CCR5AS: variants seen among roughly 807,000 people sequenced by gnomAD.
CCR5AS encodes the protein CCR5 antisense RNA.
intron 3 of CCR5AS, among the ~76,000 whole-genome samples, chr3:46,370,071 CTG>C: frequency 6.6e-6 from 1 of 152,252 alleles, no homozygotes; most frequent in Non-Finnish European, 1.5e-5. Flanking sequence ...CTTGATATGA[CTG>C]TATATAGTAT....
At chr3:46,375,409 A>T (rs1288436759) in intron 2 of CCR5AS, 2 of 167,050 alleles carry the variant, frequency 1.2e-5, no homozygotes, top group Admixed American at 1.3e-4. Context: ...TTCAATAAGC[A>T]TCAAACTCTT....
intron 1 of CCR5AS, among the ~76,000 whole-genome samples, chr3:46,401,366 C>CA (rs1206444602): frequency 1.5e-3 from 230 of 152,294 alleles, no homozygotes; most frequent in African/African-American, 5.3e-3. Flanking sequence ...TTTCAAGATA[C>CA]AGAACCCAAG....
At chr3:46,378,229 G>T (rs1390522879) in intron 2 of CCR5AS, among the ~76,000 whole-genome samples, 1 of 151,966 alleles carries the variant, frequency 6.6e-6, no homozygotes, top group Non-Finnish European at 1.5e-5. Context: ...TAATATTTAA[G>T]ATTCTGTATA....
chr3:46,376,375 T>C (rs917724862), intron 2 of CCR5AS, among the ~76,000 whole-genome samples: 1 of 152,214 alleles, frequency 6.6e-6, no homozygotes, highest in Non-Finnish European at 1.5e-5. Flanking sequence ...TAAATAATTT[T>C]TAAAATTGAC....
intron 2 of CCR5AS, among the ~76,000 whole-genome samples, chr3:46,386,007 G>C (rs1025706513): frequency 2.0e-5 from 3 of 152,058 alleles, no homozygotes; most frequent in African/African-American, 7.2e-5. Context: ...TGCCTCCCAG[G>C]CTCAAGCAAT....
rs142702164 is a variant in CCR5AS, at chr3:46,406,003, A to G, written n.163+894T>C. Among the ~76,000 whole-genome samples, 354 of 151,786 alleles carry G rather than the reference A, an allele frequency of 2.3e-3. 4 individuals are homozygous for G. Among genetic ancestry groups the G allele is most frequent in the African/African-American group, 8.3e-3 (343 of 41,370 alleles). ...TGAACATCCCACCTTGGCCTCTGGA[A>G]TGTCTGGGATTACAGGCACTTGCCA... On this transcript the variant is annotated intron_variant and non_coding_transcript_variant, in intron 1 of 3. Transcript: ENST00000451485.
At chr3:46,405,879 T>A (rs1702040848) in intron 1 of CCR5AS, among the ~76,000 whole-genome samples, 1 of 148,890 alleles carries the variant, frequency 6.7e-6, no homozygotes, top group African/African-American at 2.5e-5. Flanking sequence ...CTCCTTCTTC[T>A]TTTTTTTTTC....
At chr3:46,406,732 G>A (rs976318823) in intron 1 of CCR5AS, among the ~76,000 whole-genome samples, 1 of 151,836 alleles carries the variant, frequency 6.6e-6, no homozygotes, top group South Asian at 2.1e-4. Context: ...TGACACCCAG[G>A]GCAGCCCTAT....
At chr3:46,368,074 G>C (rs1306228578) in intron 3 of CCR5AS, among the ~76,000 whole-genome samples, 2 of 152,044 alleles carry the variant, frequency 1.3e-5, no homozygotes, top group African/African-American at 4.8e-5. Context: ...TCCTGTTGAC[G>C]ATGCTCTGAA....
intron 3 of CCR5AS, among the ~76,000 whole-genome samples, chr3:46,368,265 T>A (rs1379826297): frequency 1.3e-5 from 2 of 152,158 alleles, no homozygotes; most frequent in African/African-American, 4.8e-5. Flanking sequence ...AAAGTTCATT[T>A]CCTATGGGGT....
chr3:46,404,488 C>T (rs1159992360), intron 1 of CCR5AS, among the ~76,000 whole-genome samples: 1 of 151,968 alleles, frequency 6.6e-6, no homozygotes, highest in Non-Finnish European at 1.5e-5. Context: ...GCACCCATCG[C>T]CACCCCTCCT....
chr3:46,380,967 A>G (rs1038088848), intron 2 of CCR5AS, among the ~76,000 whole-genome samples: 5 of 152,214 alleles, frequency 3.3e-5, no homozygotes, highest in African/African-American at 2.4e-5. Flanking sequence ...TGCACCAGGA[A>G]GAGTCTCAAC....
intron 2 of CCR5AS, chr3:46,373,086 A>G (rs1357139013): frequency 6.2e-7 from 1 of 1,614,206 alleles, no homozygotes; most frequent in Non-Finnish European, 8.5e-7. Flanking sequence ...CAAAAGGCTG[A>G]AGAGCATGAC....
intron 1 of CCR5AS, among the ~76,000 whole-genome samples, chr3:46,397,870 G>T (rs919995137): frequency 1.3e-5 from 2 of 152,196 alleles, no homozygotes; most frequent in Non-Finnish European, 2.9e-5. Flanking sequence ...TCATTGAAAC[G>T]CTACTCAATG....
intron 2 of CCR5AS, among the ~76,000 whole-genome samples, chr3:46,388,561 G>GT (rs1011707689): frequency 1.9e-4 from 29 of 152,124 alleles, no homozygotes; most frequent in African/African-American, 6.3e-4. Context: ...CCATCCTTGA[G>GT]TTTTTTTTAT....
intron 2 of CCR5AS, among the ~76,000 whole-genome samples, chr3:46,389,728 C>T (rs777025925): frequency 1.3e-5 from 2 of 152,118 alleles, no homozygotes; most frequent in African/African-American, 4.8e-5. Context: ...TTAAATTACC[C>T]TTTGTGAGCT....
intron 1 of CCR5AS, among the ~76,000 whole-genome samples, chr3:46,400,825 T>C (rs901019965): frequency 6.6e-6 from 1 of 152,042 alleles, no homozygotes; most frequent in African/African-American, 2.4e-5. Context: ...CAGAGAGCAA[T>C]GTAGTTGGAG....
At chr3:46,366,911 T>C (rs1445732272) in intron 3 of CCR5AS, among the ~76,000 whole-genome samples, 1 of 152,184 alleles carries the variant, frequency 6.6e-6, no homozygotes, top group Non-Finnish European at 1.5e-5. Flanking sequence ...TTGACAGGGA[T>C]GTCAGAGCAC....
intron 1 of CCR5AS, among the ~76,000 whole-genome samples, chr3:46,395,469 C>A (rs970839276): frequency 1.3e-5 from 2 of 152,056 alleles, no homozygotes; most frequent in Admixed American, 1.3e-4. Context: ...GAGCCAAATC[C>A]GGGGGATTGG....
Sources: gnomAD v4.1 joint callset for allele counts (sites outside exome capture counted in the v4.1 genomes callset) on GRCh38, gnomAD v4.1.1 for gene constraint, MANE v1.5 for transcripts, NCBI Gene and HGNC (gene_info 2026-07-23, HGNC 2026-07-21) for gene names.